TAFA2: variants seen among roughly 807,000 people sequenced by gnomAD.
TAFA2 encodes TAFA chemokine like family member 2.
Under a neutral mutation model 18.8 loss-of-function variants are expected in TAFA2, and 7 were observed. The observed-to-expected ratio is 0.37, with a 90% CI of 0.21 to 0.70. The LOEUF is 0.70. TAFA2 is among the 30% of genes least tolerant of loss of function. The pLI, the probability that TAFA2 is intolerant of heterozygous loss-of-function variation, is 0.53. For missense variants in TAFA2, 122 were observed against 158.1 expected (o/e 0.77, Z 1.23); for synonymous variants, 60 against 54.2 (o/e 1.11, Z -0.47).
rs1874393315 is a variant in TAFA2 at position 61,867,252 on chromosome 12, ACATAACAGTCTGTG to A, written c.106+54_106+67del. The A allele has an allele frequency of 6.8e-6, 7 of 1,033,066 alleles. No homozygotes were observed. In the South Asian group the frequency reaches 7.0e-5, roughly 10 times the overall value. The allele number at this position is 1,033,066 out of a possible 1,614,324, so 64.0% of individuals were successfully genotyped here. On this transcript the variant is annotated intron_variant, in intron 2 of 4. Transcript: ENST00000416284. ...AATTTAACAGACCAGTGGAGGCAAA[ACATAACAGTCTGTG>A]TTAAGGGTAGTCATCATCCACATTT...
intron 1 of TAFA2, among the ~76,000 whole-genome samples, chr12:61,876,229 T>C (rs981814293): frequency 6.6e-6 from 1 of 152,202 alleles, no homozygotes; most frequent in African/African-American, 2.4e-5. Flanking sequence ...TTCATTCCTT[T>C]AGTTCTGGTG....
intron 1 of TAFA2, among the ~76,000 whole-genome samples, chr12:62,026,666 G>A (rs1220501286): frequency 2.6e-5 from 4 of 152,026 alleles, no homozygotes; most frequent in African/African-American, 9.7e-5. Context: ...TGAATTTGCT[G>A]AATAATGCTA....
At chr12:61,836,104 G>A (rs1468409814) in intron 2 of TAFA2, among the ~76,000 whole-genome samples, 2 of 151,818 alleles carry the variant, frequency 1.3e-5, no homozygotes, top group Non-Finnish European at 2.9e-5. Context: ...TTAACTACTT[G>A]CTCCTACTGG....
intron 1 of TAFA2, among the ~76,000 whole-genome samples, chr12:61,995,646 T>A (rs1022931646): frequency 6.6e-6 from 1 of 152,112 alleles, no homozygotes; most frequent in African/African-American, 2.4e-5. Context: ...TGTGCAAGAT[T>A]TAAGGGTACA....
chr12:62,130,682 G>C (rs1243948662), intron 1 of TAFA2, among the ~76,000 whole-genome samples: 1 of 151,900 alleles, frequency 6.6e-6, no homozygotes, highest in Non-Finnish European at 1.5e-5. Context: ...TCCACACATA[G>C]ATCTATATTA....
intron 4 of TAFA2, among the ~76,000 whole-genome samples, chr12:61,711,027 G>A (rs553806442): frequency 6.6e-6 from 1 of 152,096 alleles, no homozygotes; most frequent in Non-Finnish European, 1.5e-5. Context: ...TGTACCAAAT[G>A]TTAAAGGTGC....
At position 62,133,530 on chromosome 12, in the gene TAFA2, A is replaced by G. The variant is rs117157493; in HGVS notation, c.-2+57729T>C. On this transcript the variant is annotated intron_variant, in intron 1 of 4. Coordinates refer to ENST00000416284, the MANE Select transcript of TAFA2 (RefSeq NM_178539.5). ...AAAAATAGAGAGGGAGATTTCCTCA[A>G]TCATCCCAGAAACCTTATCTCCATT... 6.2e-4 allele frequency among the ~76,000 whole-genome samples: 94 copies of G among 152,186 alleles called. No homozygotes were observed. In the East Asian group the frequency reaches 0.017, roughly 27 times the overall value.
chr12:61,902,262 T>C (rs1014955974), intron 1 of TAFA2, among the ~76,000 whole-genome samples: 3 of 152,140 alleles, frequency 2.0e-5, no homozygotes, highest in African/African-American at 7.2e-5. Flanking sequence ...GCTTTACATC[T>C]AAAAGATGAA....
intron 1 of TAFA2, among the ~76,000 whole-genome samples, chr12:62,081,568 TCCGCCTC>T (rs1440156718): frequency 1.3e-5 from 2 of 152,044 alleles, no homozygotes; most frequent in African/African-American, 2.4e-5. Flanking sequence ...CACTACAACC[TCCGCCTC>T]CCAGGTTCAA....
At chr12:61,904,232 T>C (rs1158398511) in intron 1 of TAFA2, among the ~76,000 whole-genome samples, 1 of 152,160 alleles carries the variant, frequency 6.6e-6, no homozygotes, top group East Asian at 1.9e-4. Context: ...GCAGCCACCG[T>C]ACCAGGTTGA....
chr12:61,789,822 T>C (rs1467259092), intron 2 of TAFA2, among the ~76,000 whole-genome samples: 1 of 151,804 alleles, frequency 6.6e-6, no homozygotes, highest in African/African-American at 2.4e-5. Flanking sequence ...TCTTAAACTA[T>C]TCCAAAAATG....
intron 1 of TAFA2, chr12:62,140,078 A>T (rs2062227263): frequency 6.6e-6 from 1 of 152,174 alleles, no homozygotes. Context: ...ATTTCCCCAG[A>T]GCATGATGTG....
At chr12:62,153,340 G>T (rs187728322) in intron 1 of TAFA2, among the ~76,000 whole-genome samples, 93 of 152,206 alleles carry the variant, frequency 6.1e-4, no homozygotes, top group African/African-American at 2.0e-3. Context: ...TTTCTGAGAA[G>T]AATAATAACA....
At chr12:61,887,327 A>G (rs1875427318) in intron 1 of TAFA2, among the ~76,000 whole-genome samples, 1 of 152,208 alleles carries the variant, frequency 6.6e-6, no homozygotes, top group African/African-American at 2.4e-5. Context: ...AATGTAGAAA[A>G]TATTGCTTCC....
chr12:61,960,017 G>A (rs552619191), intron 1 of TAFA2, among the ~76,000 whole-genome samples: 1 of 152,040 alleles, frequency 6.6e-6, no homozygotes, highest in Non-Finnish European at 1.5e-5. Context: ...TTGGACTATA[G>A]GTGTATACCA....
In TAFA2 at chr12:62,153,921, ATTATGTTATG is replaced by A. The variant is rs60466452; in HGVS notation, c.-2+37328_-2+37337del. Among the ~76,000 whole-genome samples the A allele has an allele frequency of 9.8e-3, 1,218 of 124,112 alleles. 8 individuals carry two copies. Among genetic ancestry groups the A allele is most frequent in the Non-Finnish European group, 0.013 (750 of 59,364 alleles). 81.4% of individuals were successfully genotyped at this position (124,112 alleles called of 152,430 possible). A position where few individuals can be genotyped will look rare whatever the true frequency, so the allele number is the denominator to read the frequency against. On this transcript the variant is annotated intron_variant, in intron 1 of 4. Transcript: ENST00000416284. The stretch of plus-strand genomic sequence containing the variant: ...TATACACAGGCATGAACATAACAAA[ATTATGTTATG>A]TTATGTTATGTTATGTTATGTTATG...
rs56908081 is a variant in TAFA2 at position 61,927,069 on chromosome 12, G to GAAA, written c.-1-59646_-1-59644dup. Among the ~76,000 whole-genome samples the GAAA allele has an allele frequency of 3.5e-3, 247 of 69,920 alleles. 7 individuals carry two copies. The highest frequency in any genetic ancestry group is 0.013 in the African/African-American group (226 of 17,204). 45.9% of individuals were successfully genotyped at this position (69,920 alleles called of 152,430 possible). On this transcript the variant is annotated intron_variant, in intron 1 of 4. Coordinates refer to ENST00000416284, the MANE Select transcript of TAFA2 (RefSeq NM_178539.5). ...CAACCTGGTGACAGAGTGAGACTCT[G>GAAA]AAAAAAAAAAAAAAAAAAAAAAAAA...
intron 4 of TAFA2, among the ~76,000 whole-genome samples, chr12:61,712,818 T>G (rs1037887306): frequency 3.3e-5 from 5 of 152,120 alleles, no homozygotes; most frequent in African/African-American, 1.2e-4. Context: ...GATTTTTTTT[T>G]TTTGATTATT....
intron 1 of TAFA2, among the ~76,000 whole-genome samples, chr12:62,127,659 AG>A (rs1240716353): frequency 2.6e-5 from 4 of 151,948 alleles, no homozygotes; most frequent in African/African-American, 9.7e-5. Flanking sequence ...CTTAAACACA[AG>A]GGCTTGAGCA....
Sources: gnomAD v4.1 joint callset for allele counts (sites outside exome capture counted in the v4.1 genomes callset) on GRCh38, gnomAD v4.1.1 for gene constraint, MANE v1.5 for transcripts, NCBI Gene and HGNC (gene_info 2026-07-23, HGNC 2026-07-21) for gene names.